The following CHST9 variants were observed in gnomAD, a reference collection of about 807,000 sequenced individuals.
The protein encoded by CHST9 is carbohydrate sulfotransferase 9.
CHST9 carries 41 observed loss-of-function variants against 44.4 expected under a neutral mutation model. That is an observed-to-expected ratio of 0.92 (90% CI 0.72 to 1.20). The LOEUF (loss-of-function observed/expected upper bound fraction) is 1.20, where lower values mean the gene tolerates loss of function less well. Among genes scored for constraint, CHST9 ranks in the 50% most tolerant of loss-of-function variants. The pLI is 0.00. For synonymous variants in CHST9, 171 were observed against 178.4 expected, an observed-to-expected ratio of 0.96 and a Z score of 0.33; for missense variants, 504 against 516.5, an observed-to-expected ratio of 0.98 and a Z score of 0.23.
chr18:27,153,546 C>CTCTCTG (rs1555628608), intron 1 of CHST9, among the ~76,000 whole-genome samples: 32 of 138,614 alleles, frequency 2.3e-4, no homozygotes, highest in African/African-American at 6.6e-4. Flanking sequence ...CTCTCTCTCT[C>CTCTCTG]TGTGTGTGTG....
At chr18:27,050,494 G>A (rs1258623912) in intron 2 of CHST9, among the ~76,000 whole-genome samples, 1 of 152,130 alleles carries the variant, frequency 6.6e-6, no homozygotes, top group Non-Finnish European at 1.5e-5. Context: ...CTTTATCCAA[G>A]CTTTTCTAAC....
At position 27,002,825 on chromosome 18, in the gene CHST9, A is replaced by G. The variant is rs187119423; in HGVS notation, c.202+21291T>C. 1.4e-4 allele frequency among the ~76,000 whole-genome samples: 21 copies of G among 152,318 alleles called. No homozygotes were observed. The East Asian group carries it at 3.3e-3, about 24-fold the overall frequency. On this transcript the variant is annotated intron_variant, in intron 4 of 5. Coordinates refer to ENST00000618847, the MANE Select transcript of CHST9 (RefSeq NM_031422.6). ...TTAAGAAATTATGCAATGTTAAAGT[A>G]ATGACTGTGTGAATAAACACATAAA...
Position 27,107,174 on chromosome 18 carries a change from C to T in CHST9, c.121+35515G>A, listed in dbSNP as rs375807254. 5.9e-5 allele frequency among the ~76,000 whole-genome samples: 9 copies of T among 152,130 alleles called. No homozygotes were observed. In the East Asian group the frequency reaches 7.7e-4, roughly 13 times the overall value. ...TCTTGAAAGGTAAATAGTGACTATA[C>T]GTCAAATTGTTATTAAATACTCACC... On this transcript the variant is annotated intron_variant, in intron 2 of 5. Transcript: ENST00000618847.
intron 4 of CHST9, among the ~76,000 whole-genome samples, chr18:26,989,030 A>G (rs1004274402): frequency 6.6e-6 from 1 of 152,120 alleles, no homozygotes; most frequent in Non-Finnish European, 1.5e-5. Context: ...CTTAACACCT[A>G]TATAAGAAAA....
chr18:27,114,885 T>A (rs2058306749), intron 2 of CHST9, among the ~76,000 whole-genome samples: 2 of 152,170 alleles, frequency 1.3e-5, no homozygotes, highest in Admixed American at 6.5e-5. Flanking sequence ...TTTGGCTGTG[T>A]CCCCACCCAA....
intron 4 of CHST9, among the ~76,000 whole-genome samples, chr18:27,017,954 T>C (rs769541450): frequency 3.3e-5 from 5 of 152,228 alleles, no homozygotes; most frequent in Non-Finnish European, 5.9e-5. Flanking sequence ...ACAACATTAA[T>C]GCATCCAGTT....
Position 27,024,126 on chromosome 18 carries a change from T to A in CHST9, c.192A>T (p.Val64=), listed in dbSNP as rs369207782. The part of the protein sequence containing the change: ...GWGPVKYLRP[V]PRIMSTEKIQ... The stretch of plus-strand genomic sequence containing the variant: ...GAGGAAGTTACTCACTGATTCTGGG[T>A]ACAGGCCGCAAGTACTTCACTGGTC... The change falls in exon 4 of 6, where the codon GTA becomes GTT. Residue 64 remains valine (V), a synonymous_variant. Transcript: ENST00000618847. 4.2e-5 allele frequency: 68 copies of A among 1,612,588 alleles called. No individual in the cohort carries two copies. The African/African-American group carries it at 8.7e-4, about 21-fold the overall frequency.
chr18:27,039,218 C>G (rs1279201356), intron 3 of CHST9, among the ~76,000 whole-genome samples: 1 of 152,082 alleles, frequency 6.6e-6, no homozygotes, highest in Non-Finnish European at 1.5e-5. Context: ...TATTTGTACA[C>G]CCATGTTCAC....
chr18:27,073,013 C>T (rs143855548), intron 2 of CHST9, among the ~76,000 whole-genome samples: 29 of 152,172 alleles, frequency 1.9e-4, no homozygotes, highest in South Asian at 6.2e-4. Flanking sequence ...TTTGTTTGCC[C>T]GCTGAAATTT....
chr18:26,997,915 A>G (rs1322877822), intron 4 of CHST9, among the ~76,000 whole-genome samples: 1 of 152,216 alleles, frequency 6.6e-6, no homozygotes, highest in African/African-American at 2.4e-5. Context: ...GCCACAAAGC[A>G]CACAGTTCTA....
chr18:27,031,005 C>T (rs1016067700), intron 3 of CHST9, among the ~76,000 whole-genome samples: 12 of 152,198 alleles, frequency 7.9e-5, no homozygotes, highest in Non-Finnish European at 1.6e-4. Flanking sequence ...CCACCCCACC[C>T]CCATCCCATA....
chr18:27,052,762 G>A (rs899560361), intron 2 of CHST9, among the ~76,000 whole-genome samples: 1 of 152,136 alleles, frequency 6.6e-6, no homozygotes, highest in Non-Finnish European at 1.5e-5. Flanking sequence ...ATGAGTTCAT[G>A]TCCTTTGCAG....
At chr18:27,052,349 C>A (rs2057578766) in intron 2 of CHST9, among the ~76,000 whole-genome samples, 2 of 151,348 alleles carry the variant, frequency 1.3e-5, no homozygotes, top group South Asian at 4.2e-4. Flanking sequence ...TATATTTATA[C>A]ATGCACACAC....
intron 1 of CHST9, among the ~76,000 whole-genome samples, chr18:27,151,742 C>T (rs762873271): frequency 6.6e-6 from 1 of 152,096 alleles, no homozygotes; most frequent in Non-Finnish European, 1.5e-5. Context: ...ATGTAGGTGG[C>T]CTCTAGCAGC....
chr18:27,075,306 A>C (rs1226308832), intron 2 of CHST9, among the ~76,000 whole-genome samples: 1 of 152,136 alleles, frequency 6.6e-6, no homozygotes, highest in Non-Finnish European at 1.5e-5. Flanking sequence ...CTGCTTAAGA[A>C]AGCAAAGTAC....
chr18:27,012,714 A>G (rs991783055), intron 4 of CHST9, among the ~76,000 whole-genome samples: 18 of 152,210 alleles, frequency 1.2e-4, no homozygotes, highest in Non-Finnish European at 1.3e-4. Context: ...CCCAAATCAC[A>G]CAGACAGGAT....
chr18:26,975,643 A>ATG (rs1327838330), intron 4 of CHST9, among the ~76,000 whole-genome samples: 68 of 40,618 alleles, frequency 1.7e-3, no homozygotes, highest in South Asian at 0.016. Context: ...ATTCCAATGT[A>ATG]TGTGTGTATA....
chr18:27,016,306 T>G (rs563786808), intron 4 of CHST9, among the ~76,000 whole-genome samples: 5 of 152,300 alleles, frequency 3.3e-5, no homozygotes, highest in African/African-American at 4.8e-5. Context: ...TCTCCTCTCC[T>G]GTTACCTTGG....
chr18:27,094,502 A>T (rs765551162), intron 2 of CHST9, among the ~76,000 whole-genome samples: 5 of 152,216 alleles, frequency 3.3e-5, no homozygotes, highest in Non-Finnish European at 5.9e-5. Context: ...AAATTGTTAA[A>T]GAGATTTAGC....
Sources: allele counts gnomAD v4.1 joint callset (sites outside exome capture counted in the v4.1 genomes callset), GRCh38; gene constraint gnomAD v4.1.1; transcripts MANE v1.5; gene names NCBI Gene and HGNC (gene_info 2026-07-23, HGNC 2026-07-21).